Variants in ATF7IP2 observed in about 807,000 individuals in gnomAD.
The protein encoded by ATF7IP2 is activating transcription factor 7 interacting protein 2.
Under a neutral mutation model 64.2 loss-of-function variants are expected in ATF7IP2, and 42 were observed. The observed-to-expected ratio is 0.65, with a 90% confidence interval of 0.51 to 0.85. The LOEUF is 0.85. ATF7IP2 is among the 40% of genes least tolerant of loss of function. The pLI is 0.00. For missense variants in ATF7IP2, 933 were observed against 784.2 expected, an observed-to-expected ratio of 1.19 and a Z score of -2.27; for synonymous variants, 308 against 272.8, an observed-to-expected ratio of 1.13 and a Z score of -1.27.
chr16:10,390,492 A>C (rs1436681537), intron 1 of ATF7IP2, among the ~76,000 whole-genome samples: 7 of 152,194 alleles, frequency 4.6e-5, no homozygotes, highest in Non-Finnish European at 8.8e-5. Flanking sequence ...ATTAGAAAAA[A>C]AGGTAATAGG....
At chr16:10,405,890 C>A (rs1421449515) in intron 1 of ATF7IP2, among the ~76,000 whole-genome samples, 1 of 152,150 alleles carries the variant, frequency 6.6e-6, no homozygotes. Flanking sequence ...GTCAGGAGTT[C>A]ATAACCAGCC....
In ATF7IP2 at chr16:10,480,942, C is replaced by A; in HGVS notation, c.1613C>A (p.Pro538Gln). ...GCTTCAAACTCAAAGGAAACAACCC[C>A]ATTGGCACAAAATGCAGTCCAGGTA... ...KAASNSKETT[P>Q]LAQNAVQVPE... is the part of the protein sequence containing the mutation. The change falls in exon 13 of 14, where the codon CCA (proline) becomes CAA (glutamine). Residue 538 changes from proline to glutamine, a missense_variant. Pro to Gln is a moderately conservative substitution (Grantham distance 76). Coordinates refer to ENST00000562102, the MANE Select transcript of ATF7IP2 (RefSeq NM_001393719.1). The A allele has an allele frequency of 6.2e-7, 1 of 1,610,964 alleles. No individual in the cohort carries two copies. Among genetic ancestry groups the A allele is most frequent in the Non-Finnish European group, 8.5e-7 (1 of 1,177,270 alleles).
At chr16:10,412,742 C>G (rs925676722) in intron 1 of ATF7IP2, among the ~76,000 whole-genome samples, 1 of 152,168 alleles carries the variant, frequency 6.6e-6, no homozygotes, top group Non-Finnish European at 1.5e-5. Flanking sequence ...GACTTTCTGT[C>G]TTAATGACCT....
In ATF7IP2 at chr16:10,413,529, T is replaced by C. The variant is rs530424636; in HGVS notation, c.-241-1045T>C. ...CATGAAAATGGACTAATACAGTTAG[T>C]GTTTAGTTGTGAGGTACTATTCTGT... On this transcript the variant is annotated intron_variant, in intron 1 of 13. Coordinates refer to ENST00000562102, the MANE Select transcript of ATF7IP2 (RefSeq NM_001393719.1). Among the ~76,000 whole-genome samples, 6 of 152,318 alleles carry C rather than the reference T, an allele frequency of 3.9e-5. No homozygotes were observed. In the South Asian group the frequency reaches 1.0e-3, roughly 26 times the overall value.
At chr16:10,454,506 A>G (rs1009791082) in intron 8 of ATF7IP2, among the ~76,000 whole-genome samples, 5 of 149,412 alleles carry the variant, frequency 3.3e-5, no homozygotes, top group Non-Finnish European at 7.4e-5. Context: ...ATGTGGGTTA[A>G]TCTGTATATT....
intron 6 of ATF7IP2, among the ~76,000 whole-genome samples, chr16:10,436,333 G>GCCTGAGCAACAGAGCGAGA (rs1420862745): frequency 6.6e-6 from 1 of 152,146 alleles, no homozygotes. Context: ...CTGCACTGCA[G>GCCTGAGCAACAGAGCGAGA]CCTGAGCAAC....
At chr16:10,456,946 T>C (rs1364732821) in intron 8 of ATF7IP2, among the ~76,000 whole-genome samples, 11 of 152,210 alleles carry the variant, frequency 7.2e-5, no homozygotes, top group African/African-American at 2.7e-4. Context: ...CTGAGAACAC[T>C]GAATGTTTCA....
chr16:10,388,687 T>C (rs1172753579), intron 1 of ATF7IP2, among the ~76,000 whole-genome samples: 1 of 152,198 alleles, frequency 6.6e-6, no homozygotes, highest in Non-Finnish European at 1.5e-5. Context: ...TTAAAACTAC[T>C]GTAAGAAAGG....
At chr16:10,429,144 T>C (rs1027051618) in intron 4 of ATF7IP2, 128 bp downstream of exon 4, 1 of 152,236 alleles carries the variant, frequency 6.6e-6, no homozygotes, top group East Asian at 1.9e-4. Context: ...TTATCACTTT[T>C]AGCAAATACA....
intron 1 of ATF7IP2, among the ~76,000 whole-genome samples, chr16:10,398,016 A>G (rs2047452340): frequency 6.6e-6 from 1 of 151,810 alleles, no homozygotes; most frequent in South Asian, 2.1e-4. Context: ...TCAAAAATGA[A>G]AGATAAGACT....
chr16:10,396,715 C>G (rs1385377337), intron 1 of ATF7IP2, among the ~76,000 whole-genome samples: 1 of 151,942 alleles, frequency 6.6e-6, no homozygotes, highest in Admixed American at 6.6e-5. Flanking sequence ...AGTGCTTGAT[C>G]TTGGCTCACT....
intron 8 of ATF7IP2, among the ~76,000 whole-genome samples, chr16:10,444,238 G>GT (rs2141949514): frequency 6.6e-6 from 1 of 152,306 alleles, no homozygotes; most frequent in Non-Finnish European, 1.5e-5. Flanking sequence ...GACAGGTTAA[G>GT]TTTTTTTGAA....
chr16:10,480,128 C>T (rs2050168092), intron 12 of ATF7IP2, among the ~76,000 whole-genome samples: 1 of 151,694 alleles, frequency 6.6e-6, no homozygotes, highest in Non-Finnish European at 1.5e-5. Context: ...GCTGGGACTA[C>T]AGGCACGCGC....
At chr16:10,450,038 C>G (rs999318729) in intron 8 of ATF7IP2, among the ~76,000 whole-genome samples, 4 of 152,140 alleles carry the variant, frequency 2.6e-5, no homozygotes, top group Admixed American at 2.6e-4. Context: ...CCATTGGTTT[C>G]AAAGAACATC....
chr16:10,480,633 T>C (rs1489712801), intron 12 of ATF7IP2, among the ~76,000 whole-genome samples: 1 of 150,798 alleles, frequency 6.6e-6, no homozygotes, highest in Non-Finnish European at 1.5e-5. Flanking sequence ...TGTGTAAACC[T>C]ATCTAGTTGC....
intron 1 of ATF7IP2, among the ~76,000 whole-genome samples, chr16:10,393,642 G>C (rs1056576720): frequency 2.0e-5 from 3 of 152,160 alleles, no homozygotes; most frequent in Non-Finnish European, 2.9e-5. Flanking sequence ...ATGATGCTCG[G>C]TAGGTTAGTT....
chr16:10,473,030 A>G (rs1042638313), intron 10 of ATF7IP2, among the ~76,000 whole-genome samples: 8 of 152,158 alleles, frequency 5.3e-5, no homozygotes, highest in African/African-American at 1.9e-4. Context: ...CCTCCACTTA[A>G]TAGCTACTTA....
intron 1 of ATF7IP2, among the ~76,000 whole-genome samples, chr16:10,394,358 CCTA>C (rs1237028405): frequency 6.6e-6 from 1 of 152,042 alleles, no homozygotes; most frequent in East Asian, 1.9e-4. Context: ...CATATATGCA[CCTA>C]CTAAGAGAGC....
intron 8 of ATF7IP2, among the ~76,000 whole-genome samples, chr16:10,441,583 G>A (rs891455629): frequency 7.9e-5 from 12 of 152,128 alleles, no homozygotes; most frequent in Admixed American, 2.6e-4. Flanking sequence ...TCCTTCGCCC[G>A]CTTTTTGATG....
Sources: gnomAD v4.1 joint callset for allele counts (sites outside exome capture counted in the v4.1 genomes callset) on GRCh38, gnomAD v4.1.1 for gene constraint, MANE v1.5 for transcripts, NCBI Gene and HGNC (gene_info 2026-07-23, HGNC 2026-07-21) for gene names.